MITF: variants seen among roughly 807,000 people sequenced by gnomAD.
MITF encodes the protein melanocyte inducing transcription factor.
Under a neutral mutation model 60.5 loss-of-function variants are expected in MITF, and 17 were observed. The observed-to-expected ratio is 0.28, with a 90% CI of 0.19 to 0.42. The LOEUF is 0.42. Among genes scored for constraint, MITF ranks in the 10% least tolerant of loss-of-function variants. The probability of loss-of-function intolerance (pLI) is 1.00; values close to 1 mark genes in which losing one functional copy is unlikely to be tolerated. For synonymous variants in MITF, 260 were observed against 248.5 expected, an observed-to-expected ratio of 1.05 and a Z score of -0.43; for missense variants, 622 against 683.5, an observed-to-expected ratio of 0.91 and a Z score of 1.00.
chr3:69,852,663 T>C (rs2063844910), intron 1 of MITF, among the ~76,000 whole-genome samples: 1 of 152,162 alleles, frequency 6.6e-6, no homozygotes, highest in South Asian at 2.1e-4. Context: ...TAAATTTATC[T>C]GGTTTGGGTT....
chr3:69,876,597 C>A (rs1040191443), intron 1 of MITF, among the ~76,000 whole-genome samples: 1 of 151,966 alleles, frequency 6.6e-6, no homozygotes, highest in Admixed American at 6.6e-5. Context: ...GGCCAAGTGC[C>A]CTTAATATGT....
At position 69,785,013 on chromosome 3, in the gene MITF, T is replaced by C. The variant is rs4241392; in HGVS notation, c.104+45312T>C. ...CCTTTTGTTTATTTTCCTTGTTATCTTTGTCAAAGTGCTGCAGTTGGATTT... is the reference window on the plus strand; with the variant it reads ...CCTTTTGTTTATTTTCCTTGTTATCCTTGTCAAAGTGCTGCAGTTGGATTT... On this transcript the variant is annotated intron_variant, in intron 1 of 9. Coordinates refer to ENST00000352241, the MANE Select transcript of MITF (RefSeq NM_001354604.2). Among the ~76,000 whole-genome samples, 2,598 of 151,862 alleles carry C rather than the reference T, an allele frequency of 0.017. 257 individuals are homozygous for C. The East Asian group carries it at 0.27, about 16-fold the overall frequency.
intron 1 of MITF, among the ~76,000 whole-genome samples, chr3:69,827,648 T>C (rs2063377229): frequency 6.6e-6 from 1 of 152,188 alleles, no homozygotes; most frequent in African/African-American, 2.4e-5. Context: ...GTCCCTTGGC[T>C]CAGTCATGTT....
chr3:69,938,492 T>C (rs1246237543), intron 3 of MITF: 2 of 1,461,488 alleles, frequency 1.4e-6, no homozygotes, highest in South Asian at 1.5e-5. Context: ...TCTCCCTGAG[T>C]TGGGGGAAGA....
chr3:69,959,349 C>T lies in MITF; in HGVS notation c.1108C>T (p.Arg370Cys), dbSNP rs372113245. 20 of 1,613,972 alleles carry T rather than the reference C, an allele frequency of 1.2e-5. No homozygotes were observed. The highest frequency in any genetic ancestry group is 1.6e-5 in the Non-Finnish European group (19 of 1,179,952). Residue 370 changes from arginine (R) to cysteine (C), a missense_variant, in exon 9 of 10, where the codon CGC becomes TGC. Arg to Cys is a radical substitution (Grantham distance 180). Around this residue, in one of 5 missense-constraint regions of MITF, gnomAD observed 224 missense variants for 209.5 expected, o/e 1.07. Coordinates refer to ENST00000352241, the MANE Select transcript of MITF (RefSeq NM_001354604.2). ...CCGAAAGTTGCAACGAGAACAGCAA[C>T]GCGCAAAAGAACTTGAAAACCGACA... ...YIRKLQREQQ[R>C]AKELENRQKK... is the part of the protein sequence containing the mutation.
chr3:69,842,770 G>A (rs138991510), intron 1 of MITF, among the ~76,000 whole-genome samples: 1 of 152,062 alleles, frequency 6.6e-6, no homozygotes, highest in African/African-American at 2.4e-5. Context: ...ATGAAAAAAA[G>A]CTGCACTAGC....
At chr3:69,787,790 C>T (rs2062675260) in intron 1 of MITF, among the ~76,000 whole-genome samples, 1 of 151,942 alleles carries the variant, frequency 6.6e-6, no homozygotes, top group South Asian at 2.1e-4. Flanking sequence ...TCCTACGTGT[C>T]CAACATTACA....
At chr3:69,905,945 A>C (rs973037359) in intron 2 of MITF, among the ~76,000 whole-genome samples, 2 of 152,100 alleles carry the variant, frequency 1.3e-5, no homozygotes, top group South Asian at 4.1e-4. Context: ...TTCTATTAAT[A>C]GTGTCTTTTG....
At chr3:69,917,931 A>T (rs1559718964) in intron 2 of MITF, among the ~76,000 whole-genome samples, 1 of 152,158 alleles carries the variant, frequency 6.6e-6, no homozygotes. Flanking sequence ...TTCCACTTTG[A>T]TCAATAGAAA....
In MITF at chr3:69,907,309, G is replaced by C. The variant is rs2065120775; in HGVS notation, c.354+27926G>C. On this transcript the variant is annotated intron_variant, in intron 2 of 9. Transcript: ENST00000352241. ...ATGAAAAAGTCATGTGGGTTTTAGA[G>C]ATGGGGCTCTGTGTGTCAAACTGGT... Among the ~76,000 whole-genome samples, 3 of 152,180 alleles carry C rather than the reference G, an allele frequency of 2.0e-5. No homozygotes were observed. The South Asian group carries it at 6.2e-4, about 32-fold the overall frequency.
chr3:69,918,018 C>T (rs900038395), intron 2 of MITF, among the ~76,000 whole-genome samples: 9 of 151,986 alleles, frequency 5.9e-5, no homozygotes, highest in Non-Finnish European at 1.2e-4. Context: ...TTTGCTCATC[C>T]TTTTCTCTAA....
chr3:69,922,714 T>C (rs1391960664), intron 2 of MITF, among the ~76,000 whole-genome samples: 1 of 152,234 alleles, frequency 6.6e-6, no homozygotes, highest in Non-Finnish European at 1.5e-5. Context: ...ATACAGTATT[T>C]TAACCTTTCC....
intron 1 of MITF, among the ~76,000 whole-genome samples, chr3:69,850,433 G>C (rs561193947): frequency 6.6e-5 from 10 of 152,190 alleles, no homozygotes; most frequent in Non-Finnish European, 1.3e-4. Context: ...ATTAAAATAA[G>C]GTAATGCATA....
At chr3:69,947,190 T>A (rs778536049) in intron 5 of MITF, among the ~76,000 whole-genome samples, 2 of 152,210 alleles carry the variant, frequency 1.3e-5, no homozygotes, top group Non-Finnish European at 2.9e-5. Flanking sequence ...CTAGAGCAAG[T>A]GGAATAATTT....
intron 1 of MITF, among the ~76,000 whole-genome samples, chr3:69,757,423 C>T (rs999178877): frequency 2.0e-5 from 3 of 152,104 alleles, no homozygotes; most frequent in African/African-American, 7.2e-5. Context: ...AAGACAAACA[C>T]ACTGAAGAAA....
chr3:69,956,545 G>T lies in MITF; in HGVS notation c.1031+15G>T. The T allele has an allele frequency of 1.9e-6, 3 of 1,594,210 alleles. No homozygotes were observed. The highest frequency in any genetic ancestry group is 2.6e-6 in the Non-Finnish European group (3 of 1,162,074). On this transcript the variant is annotated intron_variant, in intron 8 of 9. Transcript: ENST00000352241. ...TCAAATGATCCGTGAGTACAATCGC[G>T]TGTTAATCTGCATCATATATTTTTC...
chr3:69,770,022 T>G (rs2062368471), intron 1 of MITF, among the ~76,000 whole-genome samples: 1 of 152,228 alleles, frequency 6.6e-6, no homozygotes. Flanking sequence ...TAAAACATAC[T>G]CCTTTGCCCT....
chr3:69,864,539 T>C (rs1246826246), intron 1 of MITF, among the ~76,000 whole-genome samples: 1 of 152,200 alleles, frequency 6.6e-6, no homozygotes, highest in Admixed American at 6.5e-5. Context: ...CCAGGACTAT[T>C]GCAGTAGCTA....
chr3:69,929,754 G>A (rs542868561), intron 2 of MITF, among the ~76,000 whole-genome samples: 15 of 152,212 alleles, frequency 9.9e-5, no homozygotes, highest in African/African-American at 3.6e-4. Context: ...AGAGTGCCAA[G>A]ACAGAAGCAG....
Sources: allele counts gnomAD v4.1 joint callset (sites outside exome capture counted in the v4.1 genomes callset), GRCh38; gene constraint gnomAD v4.1.1; regional missense constraint gnomAD v4.1.1; transcripts MANE v1.5; gene names NCBI Gene and HGNC (gene_info 2026-07-23, HGNC 2026-07-21).